UXS1: variants seen among roughly 807,000 people sequenced by gnomAD.
The protein encoded by UXS1 is UDP-glucuronic acid decarboxylase 1.
Under a neutral mutation model 62.6 loss-of-function variants are expected in UXS1, and 33 were observed. The ratio of observed to expected loss-of-function variants is 0.53; its 90% confidence interval spans 0.40 to 0.70. The LOEUF (loss-of-function observed/expected upper bound fraction) is 0.70. Among genes scored for constraint, UXS1 ranks in the 30% least tolerant of loss-of-function variants. The pLI is 0.00. For missense variants in UXS1, 434 were observed against 556.3 expected (o/e 0.78, Z 2.21); for synonymous variants, 213 against 206.8 (o/e 1.03, Z -0.26).
chr2:106,125,525 G>A (rs1215572054), intron 8 of UXS1, 95 bp downstream of exon 8: 2 of 1,209,170 alleles, frequency 1.7e-6, no homozygotes, highest in African/African-American at 3.1e-5. Flanking sequence ...GGGCAGGCTG[G>A]GCCTCCTCAG....
chr2:106,094,182 G>A (rs2104813222), intron 14 of UXS1, 25 bp from the exon 15 acceptor site: 11 of 1,611,024 alleles, frequency 6.8e-6, no homozygotes, highest in East Asian at 2.2e-5. Context: ...AGCAAGAAAG[G>A]GAGACAAGGT....
intron 1 of UXS1, among the ~76,000 whole-genome samples, chr2:106,180,475 G>A (rs965108782): frequency 2.6e-5 from 4 of 152,164 alleles, no homozygotes; most frequent in Non-Finnish European, 4.4e-5. Flanking sequence ...CAGAGAGAAA[G>A]CTCTGCAATA....
chr2:106,153,840 G>A (rs1427058320), intron 5 of UXS1, among the ~76,000 whole-genome samples: 4 of 152,196 alleles, frequency 2.6e-5, no homozygotes, highest in Admixed American at 6.5e-5. Flanking sequence ...TTCAAAGAAC[G>A]AAAGGAAACC....
In UXS1 at chr2:106,145,378, C is replaced by A; in HGVS notation, c.292-8G>T. 1 of 1,609,958 alleles carries A rather than the reference C, an allele frequency of 6.2e-7. No individual in the cohort carries two copies. Among genetic ancestry groups the A allele is most frequent in the African/African-American group, 1.3e-5 (1 of 74,978 alleles). ...CCCTGCGCCTCCTGTTATCTGCATC[C>A]GGACAGCGTGTGCAGAGCATTCCCA... is the stretch of plus-strand genomic sequence containing the variant. On this transcript the variant is annotated splice_region_variant and splice_polypyrimidine_tract_variant and intron_variant, in intron 5 of 14. Coordinates refer to ENST00000283148, the MANE Select transcript of UXS1 (RefSeq NM_001253875.2).
chr2:106,145,615 G>A (rs1457427485), intron 5 of UXS1: 1 of 387,948 alleles, frequency 2.6e-6, no homozygotes, highest in African/African-American at 2.1e-5. Flanking sequence ...GAAGAATACA[G>A]AAAAATCATA....
At chr2:106,158,975 A>AC (rs527830917) in intron 4 of UXS1, among the ~76,000 whole-genome samples, 99 of 151,972 alleles carry the variant, frequency 6.5e-4, no homozygotes, top group Non-Finnish European at 1.2e-3. Context: ...CAGTTTAGAC[A>AC]CCCCCATGAT....
intron 1 of UXS1, among the ~76,000 whole-genome samples, chr2:106,186,517 C>G (rs1196788042): frequency 6.6e-6 from 1 of 151,434 alleles, no homozygotes; most frequent in Non-Finnish European, 1.5e-5. Flanking sequence ...CACACACACA[C>G]ATATATAGGT....
intron 5 of UXS1, among the ~76,000 whole-genome samples, chr2:106,148,003 T>C (rs1681707641): frequency 1.3e-5 from 2 of 152,316 alleles, no homozygotes; most frequent in South Asian, 4.1e-4. Flanking sequence ...TTCATTTGGC[T>C]TTACCAACAG....
At chr2:106,106,152 G>A (rs1225856104) in intron 10 of UXS1, among the ~76,000 whole-genome samples, 1 of 152,160 alleles carries the variant, frequency 6.6e-6, no homozygotes, top group African/African-American at 2.4e-5. Context: ...ATCACCGGAG[G>A]TCGGGAGTTC....
At chr2:106,186,048 C>A (rs752339300) in intron 1 of UXS1, among the ~76,000 whole-genome samples, 29 of 152,178 alleles carry the variant, frequency 1.9e-4, no homozygotes, top group Non-Finnish European at 3.1e-4. Flanking sequence ...AGGGAAAGTT[C>A]TTTTCAAAAC....
intron 9 of UXS1, among the ~76,000 whole-genome samples, chr2:106,113,678 A>C (rs528865984): frequency 2.6e-5 from 4 of 152,226 alleles, no homozygotes; most frequent in Non-Finnish European, 5.9e-5. Context: ...ATACGTATCT[A>C]ATGTTTGATC....
At chr2:106,130,369 G>C (rs1044280275) in intron 6 of UXS1, among the ~76,000 whole-genome samples, 1 of 152,116 alleles carries the variant, frequency 6.6e-6, no homozygotes, top group African/African-American at 2.4e-5. Context: ...CAGCGTTCCA[G>C]CACAGAACCA....
At chr2:106,137,167 T>C (rs967583116) in intron 6 of UXS1, among the ~76,000 whole-genome samples, 1 of 152,174 alleles carries the variant, frequency 6.6e-6, no homozygotes, top group Non-Finnish European at 1.5e-5. Flanking sequence ...GCGACTGCTG[T>C]TCCCACCCCC....
At chr2:106,160,645 T>G (rs1306098669) in intron 4 of UXS1, 3 of 152,134 alleles carry the variant, frequency 2.0e-5, no homozygotes, top group Non-Finnish European at 4.4e-5. Flanking sequence ...TCTGAAAGCT[T>G]AAAATGAAAT....
At chr2:106,178,531 T>C (rs1326846837) in intron 1 of UXS1, among the ~76,000 whole-genome samples, 2 of 151,954 alleles carry the variant, frequency 1.3e-5, no homozygotes, top group African/African-American at 4.8e-5. Context: ...TATGTATATG[T>C]ATGTGTCTGT....
intron 6 of UXS1, among the ~76,000 whole-genome samples, chr2:106,144,630 G>A (rs1298035483): frequency 6.6e-6 from 1 of 152,216 alleles, no homozygotes; most frequent in African/African-American, 2.4e-5. Context: ...AATGTACATT[G>A]AACCAATGGT....
intron 10 of UXS1, among the ~76,000 whole-genome samples, chr2:106,108,971 T>C (rs1678343758): frequency 6.6e-6 from 1 of 151,570 alleles, no homozygotes; most frequent in Non-Finnish European, 1.5e-5. Flanking sequence ...CCTCGACATC[T>C]GACATTCCTC....
At chr2:106,187,742 C>CTT (rs1342715749) in intron 1 of UXS1, among the ~76,000 whole-genome samples, 21 of 139,468 alleles carry the variant, frequency 1.5e-4, no homozygotes, top group Non-Finnish European at 2.7e-4. Flanking sequence ...CTGTAATTTC[C>CTT]TTTTTTTTTT....
In UXS1 at chr2:106,166,073, G is replaced by A. The variant is rs1558744099; in HGVS notation, c.105C>T (p.Gly35=). ...ACAATTACCTCATATTAACGAAGTT[G>A]CCCCAAACAGCTGTAAGAGAAAGAA... ...ALLAYVASVW[G]NFVNMSFLLN... Residue 35 remains glycine, a synonymous_variant, in exon 2 of 15, where the codon GGC becomes GGT. Transcript: ENST00000283148. 2 of 1,610,946 alleles carry A rather than the reference G, an allele frequency of 1.2e-6. No homozygotes were observed. The highest frequency in any genetic ancestry group is 1.7e-5 in the Admixed American group (1 of 59,486).
Sources: gnomAD v4.1 joint callset for allele counts (sites outside exome capture counted in the v4.1 genomes callset) on GRCh38, gnomAD v4.1.1 for gene constraint, MANE v1.5 for transcripts, NCBI Gene and HGNC (gene_info 2026-07-23, HGNC 2026-07-21) for gene names.